Variants in CTNNA3 observed in about 807,000 individuals in gnomAD.
CTNNA3 encodes catenin alpha 3.
In CTNNA3, 76 loss-of-function variants were observed where a neutral mutation model predicts 95.7. The observed-to-expected ratio is 0.79, with a 90% confidence interval of 0.66 to 0.96. CTNNA3 has a LOEUF of 0.96. Ranked by LOEUF, CTNNA3 falls within the 40% of genes least tolerant of loss-of-function variation. CTNNA3 has a pLI of 0.00. For missense variants in CTNNA3, 1,191 were observed against 1,089.8 expected, an observed-to-expected ratio of 1.09 and a Z score of -1.31; for synonymous variants, 431 against 374.4, an observed-to-expected ratio of 1.15 and a Z score of -1.74.
chr10:67,587,926 G>A (rs1842684336), intron 3 of CTNNA3, among the ~76,000 whole-genome samples: 1 of 151,852 alleles, frequency 6.6e-6, no homozygotes, highest in South Asian at 2.1e-4. Flanking sequence ...ATTTTTGTCT[G>A]ACTGGATTAT....
intron 1 of CTNNA3, among the ~76,000 whole-genome samples, chr10:67,677,824 G>T (rs530164409): frequency 6.6e-6 from 1 of 152,144 alleles, no homozygotes; most frequent in African/African-American, 2.4e-5. Flanking sequence ...GGGTGCTCTG[G>T]AGATTAGGTT....
chr10:66,004,721 C>T (rs542262466), intron 15 of CTNNA3, among the ~76,000 whole-genome samples: 3 of 152,272 alleles, frequency 2.0e-5, no homozygotes, highest in Admixed American at 2.0e-4. Flanking sequence ...CTTCCAATGG[C>T]AATGAAATTC....
At chr10:67,288,856 T>C (rs569736149) in intron 5 of CTNNA3, among the ~76,000 whole-genome samples, 2 of 152,266 alleles carry the variant, frequency 1.3e-5, no homozygotes, top group East Asian at 3.9e-4. Context: ...CCTAGCTACA[T>C]GAAAGGCCAG....
At chr10:67,143,485 C>T (rs990990376) in intron 7 of CTNNA3, among the ~76,000 whole-genome samples, 3 of 145,650 alleles carry the variant, frequency 2.1e-5, no homozygotes, top group African/African-American at 7.6e-5. Flanking sequence ...CAGTGTTTCA[C>T]TCACAGTAGC....
intron 5 of CTNNA3, among the ~76,000 whole-genome samples, chr10:67,385,602 T>C (rs1271645984): frequency 6.6e-6 from 1 of 152,184 alleles, no homozygotes; most frequent in Non-Finnish European, 1.5e-5. Context: ...AAAACACTAG[T>C]TTAAAGGAAG....
intron 13 of CTNNA3, among the ~76,000 whole-genome samples, chr10:66,224,038 A>T (rs1051077920): frequency 2.0e-5 from 3 of 152,158 alleles, no homozygotes; most frequent in Non-Finnish European, 4.4e-5. Flanking sequence ...CTCTAAAAAA[A>T]TAAAAATAAA....
At chr10:66,954,134 C>G (rs1270020680) in intron 7 of CTNNA3, among the ~76,000 whole-genome samples, 1 of 152,032 alleles carries the variant, frequency 6.6e-6, no homozygotes, top group Non-Finnish European at 1.5e-5. Context: ...CCAGCCTCTT[C>G]TAAACATAAA....
At chr10:67,563,250 C>T (rs1460194457) in intron 3 of CTNNA3, among the ~76,000 whole-genome samples, 1 of 152,158 alleles carries the variant, frequency 6.6e-6, no homozygotes, top group Non-Finnish European at 1.5e-5. Flanking sequence ...TACTACAAGG[C>T]TACAGTAACC....
At chr10:66,881,177 T>G (rs993455823) in intron 7 of CTNNA3, among the ~76,000 whole-genome samples, 4 of 152,076 alleles carry the variant, frequency 2.6e-5, no homozygotes, top group Non-Finnish European at 4.4e-5. Flanking sequence ...GGAAACAGGA[T>G]GAAAACAACA....
At chr10:67,012,865 A>G (rs1041945708) in intron 7 of CTNNA3, 2 of 152,188 alleles carry the variant, frequency 1.3e-5, no homozygotes, top group African/African-American at 2.4e-5. Flanking sequence ...GCAGGTGGGA[A>G]AAATGTTACA....
intron 7 of CTNNA3, among the ~76,000 whole-genome samples, chr10:66,783,566 T>C (rs1018008046): frequency 1.3e-5 from 2 of 152,096 alleles, no homozygotes; most frequent in African/African-American, 4.8e-5. Context: ...GTGATGCTAA[T>C]ATAAAAGCGT....
intron 7 of CTNNA3, among the ~76,000 whole-genome samples, chr10:67,147,660 C>G (rs1180992719): frequency 6.6e-6 from 1 of 152,128 alleles, no homozygotes; most frequent in African/African-American, 2.4e-5. Context: ...ACTTTCAAAT[C>G]AAAATAGTAC....
chr10:66,734,701 A>G (rs1450778884), intron 9 of CTNNA3, among the ~76,000 whole-genome samples: 1 of 151,980 alleles, frequency 6.6e-6, no homozygotes, highest in Non-Finnish European at 1.5e-5. Flanking sequence ...GTCTCTACTA[A>G]AAATACAAAA....
intron 5 of CTNNA3, among the ~76,000 whole-genome samples, chr10:67,345,771 T>TA (rs1484732228): frequency 3.3e-5 from 5 of 152,134 alleles, no homozygotes; most frequent in Admixed American, 3.3e-4. Flanking sequence ...CTTATTTTTT[T>TA]ATCCATTCAG....
At chr10:67,200,526 A>C (rs1160259034) in intron 6 of CTNNA3, among the ~76,000 whole-genome samples, 1 of 152,130 alleles carries the variant, frequency 6.6e-6, no homozygotes, top group Non-Finnish European at 1.5e-5. Flanking sequence ...TCCTTGGTAA[A>C]TTGTAGCCTG....
intron 1 of CTNNA3, among the ~76,000 whole-genome samples, chr10:67,712,271 C>G (rs1841115636): frequency 6.6e-6 from 1 of 152,128 alleles, no homozygotes; most frequent in Non-Finnish European, 1.5e-5. Flanking sequence ...TTCAGCCTGA[C>G]AATATGATAG....
chr10:66,882,729 G>A (rs1221079450), intron 7 of CTNNA3, among the ~76,000 whole-genome samples: 1 of 151,990 alleles, frequency 6.6e-6, no homozygotes, highest in Non-Finnish European at 1.5e-5. Flanking sequence ...AAAATTAGAA[G>A]CTACAGAACA....
chr10:67,675,166 G>A (rs1401779047), intron 1 of CTNNA3, among the ~76,000 whole-genome samples: 1 of 151,840 alleles, frequency 6.6e-6, no homozygotes, highest in Non-Finnish European at 1.5e-5. Flanking sequence ...TGGATTGTTC[G>A]TTTTTTGATT....
At chr10:66,420,866 A>C (rs1020020328) in intron 11 of CTNNA3, among the ~76,000 whole-genome samples, 1 of 149,940 alleles carries the variant, frequency 6.7e-6, no homozygotes, top group African/African-American at 2.5e-5. Context: ...TTTCTCAAAC[A>C]AACTAAAAAT....
Sources: gnomAD v4.1 joint callset for allele counts (sites outside exome capture counted in the v4.1 genomes callset) on GRCh38, gnomAD v4.1.1 for gene constraint, MANE v1.5 for transcripts, NCBI Gene and HGNC (gene_info 2026-07-23, HGNC 2026-07-21) for gene names.